The following EFEMP2 variants were observed in gnomAD, a reference collection of about 807,000 sequenced individuals.
EFEMP2 encodes EGF-like fibulin extracellular matrix protein 2, also known as EGF-containing fibulin-like extracellular matrix protein 2.
A neutral mutation model predicts 55.3 loss-of-function variants in EFEMP2; 21 were observed. That is an observed-to-expected ratio of 0.38 (90% CI 0.27 to 0.55). The LOEUF (loss-of-function observed/expected upper bound fraction) is 0.55. Among genes scored for constraint, EFEMP2 ranks in the 20% least tolerant of loss-of-function variants. The pLI is 0.77. For synonymous variants in EFEMP2, 275 were observed against 242.3 expected (o/e 1.14, Z -1.25); for missense variants, 513 against 615.1 (o/e 0.83, Z 1.76).
At chr11:65,871,108 C>T (rs377049293) in intron 4 of EFEMP2, 49 bp downstream of exon 4, 161 of 1,603,136 alleles carry the variant, frequency 1.0e-4, no homozygotes, top group Middle Eastern at 5.0e-4. Context: ...GAGTTTAAGA[C>T]GCCTGGTGAG....
At chr11:65,870,441 G>C in intron 5 of EFEMP2, 95 bp downstream of exon 5, 1 of 1,576,374 alleles carries the variant, frequency 6.3e-7, no homozygotes. Context: ...CAGGGGCCGG[G>C]GGTGAAGCCT....
Position 65,866,971 on chromosome 11 carries a change from G to C in EFEMP2, c.1279C>G (p.Arg427Gly). 1 of 1,614,198 alleles carries C rather than the reference G, an allele frequency of 6.2e-7. No individual in the cohort carries two copies. The highest frequency in any genetic ancestry group is 8.5e-7 in the Non-Finnish European group (1 of 1,180,024). The change falls in exon 11 of 11, where the codon CGG (arginine) becomes GGG (glycine). Residue 427 changes from arginine to glycine, a missense_variant. Physicochemically the swap from Arg to Gly is moderately radical, Grantham distance 125. Transcript: ENST00000307998. ...MVTMNSLMSY[R>G]ASSVLRLTVF... Reference sequence around the variant, plus strand: ...GTGAGCCTCAGTACAGAGCTGGCCCGGTAGCTCATGAGGGAATTCATGGTG... The same window carrying C: ...GTGAGCCTCAGTACAGAGCTGGCCCCGTAGCTCATGAGGGAATTCATGGTG...
intron 9 of EFEMP2, 79 bp downstream of exon 9, chr11:65,868,216 G>T: frequency 1.9e-6 from 3 of 1,599,906 alleles, no homozygotes; most frequent in African/African-American, 1.3e-5. Flanking sequence ...GCACTCGCTG[G>T]TCTGAATAGA....
At chr11:65,869,750 G>A (rs1859930420) in intron 7 of EFEMP2, 107 bp downstream of exon 7, 1 of 1,552,524 alleles carries the variant, frequency 6.4e-7, no homozygotes, top group South Asian at 1.1e-5. Flanking sequence ...TGGGTGCACA[G>A]TGACAGGAGG....
At position 65,871,321 on chromosome 11, in the gene EFEMP2, T is replaced by G; in HGVS notation, c.203A>C (p.Glu68Ala). Residue 68 changes from glutamate (E) to alanine (A), a missense_variant, in exon 4 of 11, where the codon GAA becomes GCA. Glu to Ala is a moderately radical substitution (Grantham distance 107). Transcript: ENST00000307998. ...CLTIPEACKGEMKCINHYGGY... is the reference protein window; with the variant it reads ...CLTIPEACKGAMKCINHYGGY... ...CCCGTAGTGGTTGATGCACTTCATT[T>G]CCCCCTTGCAGGCCTCAGGGATGGT... The G allele has an allele frequency of 6.2e-7, 1 of 1,613,966 alleles. No individual in the cohort carries two copies. The highest frequency in any genetic ancestry group is 8.5e-7 in the Non-Finnish European group (1 of 1,179,954).
At chr11:65,868,738 G>A in intron 7 of EFEMP2, 109 bp from the exon 8 acceptor site, 1 of 1,461,068 alleles carries the variant, frequency 6.8e-7, no homozygotes, top group South Asian at 1.2e-5. Context: ...AATGTAGGAA[G>A]ACAGAGGGGG....
intron 3 of EFEMP2, chr11:65,871,636 G>T: frequency 1.7e-6 from 1 of 597,092 alleles, no homozygotes; most frequent in Non-Finnish European, 3.0e-6. Context: ...AGCCCAAGAT[G>T]GGGGGCCTCC....
intron 10 of EFEMP2, chr11:65,867,406 G>C (rs991315536): frequency 2.1e-6 from 1 of 472,318 alleles, no homozygotes; most frequent in African/African-American, 2.0e-5. Context: ...ACTCCCTTCA[G>C]AGCATTCAAT....
At chr11:65,868,842 T>G (rs1220386400) in intron 7 of EFEMP2, 1 of 602,904 alleles carries the variant, frequency 1.7e-6, no homozygotes, top group Admixed American at 2.8e-5. Flanking sequence ...TGCCCAGAAC[T>G]GGAAGAAACA....
intron 4 of EFEMP2, 185 bp from the exon 5 acceptor site, chr11:65,870,843 C>T (rs1262712563): frequency 7.2e-6 from 6 of 833,794 alleles, no homozygotes; most frequent in Admixed American, 6.1e-5. Context: ...AAATAAGGTC[C>T]TGTCCAAACA....
chr11:65,870,230 G>A lies in EFEMP2; in HGVS notation c.498C>T (p.Asp166=), dbSNP rs757273990. Reference sequence around the variant, plus strand: ...GCTGGCAGTAGCGGTAGCGGCACTCGTCTATGTCTAGGGATAGAGGCAGGA... The same window carrying A: ...GCTGGCAGTAGCGGTAGCGGCACTCATCTATGTCTAGGGATAGAGGCAGGA... ...RKIGPECVDI[D]ECRYRYCQHR... The change falls in exon 6 of 11, where the codon GAC becomes GAT. Residue 166 remains aspartate, a synonymous_variant. Transcript: ENST00000307998. The A allele has an allele frequency of 4.5e-5, 72 of 1,613,096 alleles. No homozygotes were observed. Among genetic ancestry groups the A allele is most frequent in the African/African-American group, 6.7e-5 (5 of 74,868 alleles).
rs937745997 is a variant in EFEMP2 at position 65,872,372 on chromosome 11, G to A, written c.-7-11C>T. 2.0e-6 allele frequency: 3 copies of A among 1,529,744 alleles called. No homozygotes were observed. In the African/African-American group the frequency reaches 4.1e-5, roughly 21 times the overall value. The allele number at this position is 1,529,744 out of a possible 1,614,324, so 94.8% of individuals were successfully genotyped here. On this transcript the variant is annotated splice_polypyrimidine_tract_variant and intron_variant, in intron 1 of 10. Transcript: ENST00000307998. ...GGGAGCATCCTGGGGCTGCGAGATG[G>A]TGGACACGGGTCAGGGGCCTCTGCC...
intron 1 of EFEMP2, 108 bp from the exon 2 acceptor site, chr11:65,872,469 G>C (rs1859982908): frequency 1.4e-6 from 1 of 733,524 alleles, no homozygotes; most frequent in Non-Finnish European, 2.3e-6. Flanking sequence ...GACCGTGCTT[G>C]GGCCTCGGGG....
chr11:65,868,614 C>G lies in EFEMP2; in HGVS notation c.743G>C (p.Ser248Thr). ...GTACTGACAGAGGTAGCTGGAGTAG[C>G]TACACTCATCAATATCTGAGGAAGC... is the stretch of plus-strand genomic sequence containing the variant. ...GFSCSDIDEC[S>T]YSSYLCQYRC... Residue 248 changes from serine (S) to threonine (T), a missense_variant, in exon 8 of 11, where the codon AGC becomes ACC. By Grantham distance (58) the Ser-to-Thr change is moderately conservative. Coordinates refer to ENST00000307998, the MANE Select transcript of EFEMP2 (RefSeq NM_016938.5). 6.2e-7 allele frequency: 1 copy of G among 1,613,906 alleles called. No individual in the cohort carries two copies. Among genetic ancestry groups the G allele is most frequent in the Non-Finnish European group, 8.5e-7 (1 of 1,180,024 alleles).
In EFEMP2 at chr11:65,866,712, C is replaced by G; in HGVS notation, c.*206G>C. Reference sequence around the variant, plus strand: ...GCTCCTGTCAATGGGGGCCCCTGGGCCTGAACATATAGAGACCCCCATTTA... The same window carrying G: ...GCTCCTGTCAATGGGGGCCCCTGGGGCTGAACATATAGAGACCCCCATTTA... On this transcript the variant is annotated 3_prime_UTR_variant, in exon 11 of 11. Transcript: ENST00000307998. The G allele has an allele frequency of 1.4e-6, 1 of 729,982 alleles. No homozygotes were observed. Among genetic ancestry groups the G allele is most frequent in the East Asian group, 2.7e-5 (1 of 37,396 alleles). The allele number at this position is 729,982 out of a possible 1,614,324, so 45.2% of individuals were successfully genotyped here.
In EFEMP2 at chr11:65,871,357, T is replaced by C. The variant is rs768570882; in HGVS notation, c.167A>G (p.Asn56Ser). The C allele has an allele frequency of 1.6e-5, 26 of 1,614,008 alleles. No individual in the cohort carries two copies. Among genetic ancestry groups the C allele is most frequent in the Non-Finnish European group, 2.0e-5 (24 of 1,179,980 alleles). The change falls in exon 4 of 11, where the codon AAC (asparagine) becomes AGC (serine). Residue 56 changes from asparagine (N) to serine (S), a missense_variant. Asn to Ser is a conservative substitution (Grantham distance 46). Transcript: ENST00000307998. ...DPDSQHCRDVNECLTIPEACK... is the reference protein window; with the variant it reads ...DPDSQHCRDVSECLTIPEACK... ...GGCCTCAGGGATGGTCAGACACTCGTTGACATCTGCAGAGAGGGGCCTGCT... is the reference window on the plus strand; with the variant it reads ...GGCCTCAGGGATGGTCAGACACTCGCTGACATCTGCAGAGAGGGGCCTGCT...
At chr11:65,870,092 C>T (rs769503995) in intron 6 of EFEMP2, 29 bp downstream of exon 6, 1 of 1,613,252 alleles carries the variant, frequency 6.2e-7, no homozygotes, top group African/African-American at 1.3e-5. Context: ...CTGCCCAGGA[C>T]CCAGGAGCCT....
chr11:65,870,330 A>G, intron 5 of EFEMP2, 93 bp from the exon 6 acceptor site: 1 of 1,444,564 alleles, frequency 6.9e-7, no homozygotes, highest in Non-Finnish European at 9.7e-7. Flanking sequence ...CACCACCCAT[A>G]ATCCTGTGTC....
chr11:65,871,322 C>T lies in EFEMP2; in HGVS notation c.202G>A (p.Glu68Lys), dbSNP rs1859962136. The T allele has an allele frequency of 8.7e-6, 14 of 1,614,186 alleles. No individual in the cohort carries two copies. The highest frequency in any genetic ancestry group is 1.2e-5 in the Non-Finnish European group (14 of 1,180,010). ...CCGTAGTGGTTGATGCACTTCATTT[C>T]CCCCTTGCAGGCCTCAGGGATGGTC... The part of the protein sequence containing the change: ...CLTIPEACKG[E>K]MKCINHYGGY... The change falls in exon 4 of 11, where the codon GAA becomes AAA. Residue 68 changes from glutamate (E) to lysine (K), a missense_variant. By Grantham distance (56) the Glu-to-Lys change is moderately conservative. Transcript: ENST00000307998.
Sources: gnomAD v4.1 joint callset for allele counts on GRCh38, gnomAD v4.1.1 for gene constraint, MANE v1.5 for transcripts, NCBI Gene and HGNC (gene_info 2026-07-23, HGNC 2026-07-21) for gene names.